ANKFN1: variants seen among roughly 807,000 people sequenced by gnomAD.
The protein encoded by ANKFN1 is ankyrin repeat and fibronectin type-III domain-containing protein 1.
A neutral mutation model predicts 108.7 loss-of-function variants in ANKFN1; 74 were observed. The observed-to-expected ratio is 0.68, with a 90% CI of 0.56 to 0.83. The LOEUF (loss-of-function observed/expected upper bound fraction) is 0.83. Among genes scored for constraint, ANKFN1 ranks in the 40% least tolerant of loss-of-function variants. The pLI is 0.00. For missense variants in ANKFN1, 1,505 were observed against 1,382.3 expected (o/e 1.09, Z -1.41); for synonymous variants, 547 against 516.2 (o/e 1.06, Z -0.81).
Position 56,457,302 on chromosome 17 carries a change from A to G in ANKFN1, c.1353A>G (p.Leu451=), listed in dbSNP as rs764955467. Residue 451 remains leucine (L), a synonymous_variant, in exon 13 of 21, where the codon TTA becomes TTG. Transcript: ENST00000682825. ...TATTTTATTACAAAGACAATATCTT[A>G]GTCACCAATGAAGATCAAGTACCAA... ...AVIFYYKDNI[L]VTNEDQVPIV... 21 of 1,600,380 alleles carry G rather than the reference A, an allele frequency of 1.3e-5. No individual in the cohort carries two copies. The highest frequency in any genetic ancestry group is 1.7e-5 in the Non-Finnish European group (20 of 1,171,076).
chr17:56,068,795 T>TCTAA (rs1905090001), intron 4 of ANKFN1, among the ~76,000 whole-genome samples: 1 of 152,198 alleles, frequency 6.6e-6, no homozygotes, highest in Admixed American at 6.5e-5. Context: ...TTCCTCTCAT[T>TCTAA]CATACACATA....
At chr17:56,456,639 G>T (rs533121727) in intron 11 of ANKFN1, among the ~76,000 whole-genome samples, 4 of 151,656 alleles carry the variant, frequency 2.6e-5, no homozygotes, top group Non-Finnish European at 4.4e-5. Flanking sequence ...CTCGTGATCC[G>T]CCCCCCTCGG....
chr17:56,506,918 CA>C (rs765535362), intron 20 of ANKFN1, among the ~76,000 whole-genome samples: 5 of 152,090 alleles, frequency 3.3e-5, no homozygotes, highest in Non-Finnish European at 7.4e-5. Flanking sequence ...TTCTGATCTG[CA>C]AAATGAGAAT....
chr17:56,251,086 C>T (rs2043223727), intron 3 of ANKFN1, among the ~76,000 whole-genome samples: 1 of 152,068 alleles, frequency 6.6e-6, no homozygotes, highest in South Asian at 2.1e-4. Context: ...TTTCAGCTGT[C>T]ACATAGAAAA....
At chr17:56,302,274 C>G (rs930611523) in intron 3 of ANKFN1, among the ~76,000 whole-genome samples, 1 of 152,136 alleles carries the variant, frequency 6.6e-6, no homozygotes. Context: ...CCGGTAATCC[C>G]GTTCCTTGGG....
At chr17:56,505,479 T>C (rs2051525650) in intron 20 of ANKFN1, among the ~76,000 whole-genome samples, 1 of 152,164 alleles carries the variant, frequency 6.6e-6, no homozygotes, top group South Asian at 2.1e-4. Flanking sequence ...ATCTGGGAAA[T>C]ACAAAAGATT....
intron 8 of ANKFN1, among the ~76,000 whole-genome samples, chr17:56,397,295 GT>G (rs1181793517): frequency 6.6e-6 from 1 of 152,146 alleles, no homozygotes; most frequent in Non-Finnish European, 1.5e-5. Flanking sequence ...AAATAAATAG[GT>G]TTGGAGATCT....
In ANKFN1 at chr17:56,161,640, C is replaced by T. The variant is rs1008147704; in HGVS notation, c.-71+8110C>T. ...AAATCAGCTAACATAATGTGTGACA[C>T]GTATATGCTTAATAAACATTTATTG... On this transcript the variant is annotated intron_variant, in intron 1 of 20. Transcript: ENST00000682825. Among the ~76,000 whole-genome samples, 8 of 151,868 alleles carry T rather than the reference C, an allele frequency of 5.3e-5. 1 individual carries two copies. Among genetic ancestry groups the T allele is most frequent in the Admixed American group, 2.6e-4 (4 of 15,250 alleles).
chr17:56,187,127 C>A (rs1912292872), intron 1 of ANKFN1, among the ~76,000 whole-genome samples: 1 of 152,140 alleles, frequency 6.6e-6, no homozygotes, highest in African/African-American at 2.4e-5. Flanking sequence ...ACAAAAGAAA[C>A]TACCATCAGA....
chr17:56,133,621 C>G (rs191347517), intron 4 of ANKFN1, among the ~76,000 whole-genome samples: 1 of 142,592 alleles, frequency 7.0e-6, no homozygotes, highest in African/African-American at 2.4e-5. Context: ...TTTGGACTTT[C>G]TGGGCTACAT....
intron 8 of ANKFN1, among the ~76,000 whole-genome samples, chr17:56,384,854 T>C (rs976140744): frequency 6.6e-6 from 1 of 152,054 alleles, no homozygotes; most frequent in Non-Finnish European, 1.5e-5. Context: ...TCCATGCTTA[T>C]GGGTAGGAAG....
intron 3 of ANKFN1, chr17:56,257,905 G>A (rs11871341): frequency 0.092 from 14,014 of 152,184 alleles, 845 homozygotes; most frequent in East Asian, 0.22. Context: ...CTAAGAGCAC[G>A]TTGTCAGCTG....
At chr17:56,233,174 T>C (rs1334158266) in intron 3 of ANKFN1, among the ~76,000 whole-genome samples, 1 of 152,114 alleles carries the variant, frequency 6.6e-6, no homozygotes, top group East Asian at 1.9e-4. Context: ...GCTTTTGTTA[T>C]TATTTTCAAT....
chr17:56,448,287 A>C (rs993873733), intron 10 of ANKFN1, among the ~76,000 whole-genome samples: 1 of 152,166 alleles, frequency 6.6e-6, no homozygotes, highest in Non-Finnish European at 1.5e-5. Flanking sequence ...TGAAAAAAAA[A>C]ACAAAAAAAC....
intron 15 of ANKFN1, chr17:56,473,333 A>G (rs1484335626): frequency 2.0e-5 from 3 of 152,166 alleles, no homozygotes; most frequent in Non-Finnish European, 4.4e-5. Context: ...CAAATCAGGT[A>G]ATATGTAGAA....
intron 6 of ANKFN1, 102 bp from the exon 7 acceptor site, chr17:56,372,539 ATTTTT>A: frequency 7.6e-6 from 6 of 786,414 alleles, no homozygotes; most frequent in Non-Finnish European, 9.6e-6. Flanking sequence ...TTTCCCAGGC[ATTTTT>A]TTTTTTTTTT....
intron 8 of ANKFN1, among the ~76,000 whole-genome samples, chr17:56,376,888 TA>T (rs1465827398): frequency 6.6e-6 from 1 of 152,222 alleles, no homozygotes; most frequent in Non-Finnish European, 1.5e-5. Context: ...AAGGGTTATT[TA>T]AAACAGCTGG....
At chr17:56,400,556 TC>T (rs1241447620) in intron 8 of ANKFN1, among the ~76,000 whole-genome samples, 1 of 152,222 alleles carries the variant, frequency 6.6e-6, no homozygotes, top group Non-Finnish European at 1.5e-5. Context: ...TGCTGACTGT[TC>T]CTTTTGCTGT....
intron 8 of ANKFN1, among the ~76,000 whole-genome samples, chr17:56,392,720 C>A (rs1036394434): frequency 2.0e-5 from 3 of 152,160 alleles, no homozygotes; most frequent in Middle Eastern, 3.2e-3. Context: ...TACAGTCTGG[C>A]CAATAAGCAG....
Sources: gnomAD v4.1 joint callset for allele counts (sites outside exome capture counted in the v4.1 genomes callset) on GRCh38, gnomAD v4.1.1 for gene constraint, MANE v1.5 for transcripts, NCBI Gene and HGNC (gene_info 2026-07-23, HGNC 2026-07-21) for gene names.